The following HMGB1 variants were observed in gnomAD, a reference collection of about 807,000 sequenced individuals.
HMGB1 encodes the protein high mobility group protein B1.
For missense variants in HMGB1, 79 were observed against 253.5 expected, an observed-to-expected ratio of 0.31 and a Z score of 4.67; for synonymous variants, 81 against 84.0, an observed-to-expected ratio of 0.96 and a Z score of 0.19.
At chr13:30,495,097 C>T (rs987378360) in intron 1 of HMGB1, among the ~76,000 whole-genome samples, 3 of 152,172 alleles carry the variant, frequency 2.0e-5, no homozygotes, top group Non-Finnish European at 4.4e-5. Context: ...TGGGTCATCC[C>T]TAATTCATGA....
At chr13:30,575,270 A>G (rs1273913837) in intron 1 of HMGB1, among the ~76,000 whole-genome samples, 1 of 152,210 alleles carries the variant, frequency 6.6e-6, no homozygotes, top group African/African-American at 2.4e-5. Flanking sequence ...TGAAAGTGAG[A>G]AATACAGCTC....
At chr13:30,535,312 T>C (rs1459374544) in intron 1 of HMGB1, among the ~76,000 whole-genome samples, 1 of 152,244 alleles carries the variant, frequency 6.6e-6, no homozygotes, top group Non-Finnish European at 1.5e-5. Flanking sequence ...TGCCAAGATT[T>C]GGAAACAACA....
intron 1 of HMGB1, among the ~76,000 whole-genome samples, chr13:30,489,313 T>C (rs1410359121): frequency 1.3e-5 from 2 of 152,168 alleles, no homozygotes; most frequent in Non-Finnish European, 2.9e-5. Flanking sequence ...CTGGGCAATA[T>C]AGTGAGACCC....
chr13:30,503,405 G>C (rs1189012721), intron 1 of HMGB1, among the ~76,000 whole-genome samples: 3 of 151,786 alleles, frequency 2.0e-5, no homozygotes. Context: ...AAAGTGTTTA[G>C]CATAGAGGCT....
chr13:30,528,503 C>T (rs1216842387), intron 1 of HMGB1, among the ~76,000 whole-genome samples: 4 of 152,196 alleles, frequency 2.6e-5, no homozygotes, highest in African/African-American at 9.7e-5. Flanking sequence ...TGTGAGGTCA[C>T]GTTTGTTGCC....
intron 1 of HMGB1, among the ~76,000 whole-genome samples, chr13:30,570,872 A>G (rs761589154): frequency 1.3e-5 from 2 of 152,230 alleles, no homozygotes; most frequent in African/African-American, 2.4e-5. Context: ...GGGGAGTTCT[A>G]ATTTCATGCA....
At chr13:30,499,247 A>G (rs1370600876) in intron 1 of HMGB1, among the ~76,000 whole-genome samples, 3 of 152,012 alleles carry the variant, frequency 2.0e-5, no homozygotes, top group Non-Finnish European at 2.9e-5. Context: ...TACAGGTGTG[A>G]GCCAATGTGC....
intron 1 of HMGB1, chr13:30,463,991 C>CT: frequency 1.9e-6 from 1 of 522,610 alleles, no homozygotes. Flanking sequence ...GAATGAGTAT[C>CT]TAACTGGTCA....
At chr13:30,549,711 G>T (rs1177344720) in intron 1 of HMGB1, among the ~76,000 whole-genome samples, 2 of 135,670 alleles carry the variant, frequency 1.5e-5, no homozygotes, top group African/African-American at 5.3e-5. Context: ...CTAATTGTTT[G>T]TTTTTTTTTT....
intron 1 of HMGB1, among the ~76,000 whole-genome samples, chr13:30,597,750 AT>A (rs202084804): frequency 4.0e-5 from 6 of 149,832 alleles, no homozygotes; most frequent in South Asian, 2.1e-4. Flanking sequence ...TTTCTGTTAC[AT>A]TTTTTTTTTA....
In HMGB1 at chr13:30,559,566, ACACATGAGAT is replaced by A. The variant is rs1869858181; in HGVS notation, c.-15+57095_-15+57104del. On this transcript the variant is annotated intron_variant, in intron 1 of 4. Transcript: ENST00000405805. This position sits in a 1 kb window ranked among gnomAD's most constrained non-coding sequence, Gnocchi z 6.6. ...TGCGTGTAGTAGGCTGCCTGCTCTAACACATGAGATTAAATTTAGATAGCCACATAGGGAA... is the reference window on the plus strand; with the variant it reads ...TGCGTGTAGTAGGCTGCCTGCTCTAATAAATTTAGATAGCCACATAGGGAA... Among the ~76,000 whole-genome samples, 1 of 152,160 alleles carries A rather than the reference ACACATGAGAT, an allele frequency of 6.6e-6. No homozygotes were observed. The highest frequency in any genetic ancestry group is 1.5e-5 in the Non-Finnish European group (1 of 68,022).
rs901503154 is a variant in HMGB1, at chr13:30,465,922, C to G, written c.-141G>C. The G allele has an allele frequency of 3.4e-5, 34 of 985,978 alleles. No individual in the cohort carries two copies. In the African/African-American group the frequency reaches 5.6e-4, roughly 16 times the overall value. The allele number at this position is 985,978 out of a possible 1,614,324, so 61.1% of individuals were successfully genotyped here. On this transcript the variant is annotated 5_prime_UTR_variant, in exon 1 of 5. Coordinates refer to ENST00000341423, the MANE Select transcript of HMGB1 (RefSeq NM_002128.7). Reference sequence around the variant, plus strand: ...GCCAGACGCAGCCTCCTCACTCTCTCCGCTCTGTAACATTACTCTCCAGCC... The same window carrying G: ...GCCAGACGCAGCCTCCTCACTCTCTGCGCTCTGTAACATTACTCTCCAGCC...
At chr13:30,464,154 A>G (rs920131475) in intron 1 of HMGB1, 9 of 985,282 alleles carry the variant, frequency 9.1e-6, no homozygotes, top group Non-Finnish European at 1.1e-5. Context: ...TAAAAAAAAA[A>G]AATCACCGTG....
chr13:30,476,002 T>C (rs1246398854), intron 1 of HMGB1, among the ~76,000 whole-genome samples: 1 of 152,196 alleles, frequency 6.6e-6, no homozygotes, highest in Non-Finnish European at 1.5e-5. Flanking sequence ...TAAACTGTAA[T>C]TCTGAAATTT....
intron 2 of HMGB1, 61 bp downstream of exon 2, chr13:30,463,470 T>G: frequency 1.3e-6 from 2 of 1,558,580 alleles, no homozygotes; most frequent in Non-Finnish European, 1.7e-6. Context: ...GGCTTTTTTT[T>G]GCATCCTCAA....
intron 1 of HMGB1, among the ~76,000 whole-genome samples, chr13:30,615,858 A>G (rs974695003): frequency 3.3e-5 from 5 of 152,182 alleles, no homozygotes; most frequent in African/African-American, 1.2e-4. Flanking sequence ...GCTGTTCGTT[A>G]GTTATTAATT....
chr13:30,593,631 A>G (rs1566035176), intron 1 of HMGB1, among the ~76,000 whole-genome samples: 1 of 152,238 alleles, frequency 6.6e-6, no homozygotes, highest in Non-Finnish European at 1.5e-5. Context: ...TGGTTTTCCA[A>G]TTTGGCTTCT....
rs1015860500 is a variant in HMGB1 at position 30,559,286 on chromosome 13, A to C, written c.-15+57385T>G. ...GTGCTTCTAGAGTGGCTAGGGAAGC[A>C]CACTATGGGACAACCTTTCCTCACC... On this transcript the variant is annotated intron_variant, in intron 1 of 4. Transcript: ENST00000405805. The surrounding 1 kb of genome is among the most constrained non-coding windows in gnomAD (Gnocchi z 6.6). Among the ~76,000 whole-genome samples, 1 of 152,088 alleles carries C rather than the reference A, an allele frequency of 6.6e-6. No homozygotes were observed. The highest frequency in any genetic ancestry group is 1.5e-5 in the Non-Finnish European group (1 of 68,024).
rs1316518333 is a variant in HMGB1 at position 30,594,975 on chromosome 13, TG to T, written c.-15+21695del. Among the ~76,000 whole-genome samples the T allele has an allele frequency of 5.9e-5, 9 of 152,292 alleles. No individual in the cohort carries two copies. The East Asian group carries it at 1.7e-3, about 29-fold the overall frequency. Reference sequence around the variant, plus strand: ...AATGAGACAAAATCTTAATGACAGGTGAATCTAGGTAAAAGGCATACAGACG... The same window carrying T: ...AATGAGACAAAATCTTAATGACAGGTAATCTAGGTAAAAGGCATACAGACG... On this transcript the variant is annotated intron_variant, in intron 1 of 4. Transcript: ENST00000405805.
Sources: gnomAD v4.1 joint callset for allele counts (sites outside exome capture counted in the v4.1 genomes callset) on GRCh38, gnomAD v4.1.1 for gene constraint, Gnocchi (gnomAD v3.1) non-coding constraint, MANE v1.5 for transcripts, NCBI Gene and HGNC (gene_info 2026-07-23, HGNC 2026-07-21) for gene names.